Variants in PCDHGB6 observed in about 807,000 individuals in gnomAD.
The protein encoded by PCDHGB6 is protocadherin gamma subfamily B, 6.
Under a neutral mutation model 59.1 loss-of-function variants are expected in PCDHGB6, and 51 were observed. The ratio of observed to expected loss-of-function variants is 0.86; its 90% CI spans 0.69 to 1.09. PCDHGB6 has a LOEUF of 1.09. Among genes scored for constraint, PCDHGB6 ranks in the 50% least tolerant of loss-of-function variants. The pLI, the probability that PCDHGB6 is intolerant of heterozygous loss-of-function variation, is 0.00. For synonymous variants in PCDHGB6, 466 were observed against 495.1 expected (o/e 0.94, Z 0.78); for missense variants, 1,148 against 1,205.1 (o/e 0.95, Z 0.70).
intron 1 of PCDHGB6, chr5:141,440,464 G>C (rs2003094): frequency 1.3e-5 from 2 of 152,150 alleles, no homozygotes; most frequent in Admixed American, 6.5e-5. Context: ...ATGAACAAAC[G>C]GTAGTTGAAA....
intron 1 of PCDHGB6, among the ~76,000 whole-genome samples, chr5:141,446,610 G>A (rs1167777615): frequency 6.6e-6 from 1 of 152,098 alleles, no homozygotes; most frequent in Non-Finnish European, 1.5e-5. Flanking sequence ...CTGAGTAGCT[G>A]GGACTACAGG....
chr5:141,498,880 C>G (rs1334510457), intron 2 of PCDHGB6, among the ~76,000 whole-genome samples: 1 of 150,028 alleles, frequency 6.7e-6, no homozygotes, highest in African/African-American at 2.4e-5. Flanking sequence ...TTGCAGTGAG[C>G]TGAGATCACA....
At chr5:141,458,988 C>T (rs996478276) in intron 1 of PCDHGB6, among the ~76,000 whole-genome samples, 1 of 152,208 alleles carries the variant, frequency 6.6e-6, no homozygotes, top group South Asian at 2.1e-4. Context: ...CTGCCTCACC[C>T]TCCCAAAGTG....
chr5:141,422,344 C>G, intron 1 of PCDHGB6: 1 of 1,550,890 alleles, frequency 6.4e-7, no homozygotes, highest in Non-Finnish European at 8.7e-7. Flanking sequence ...TCTAAATGTG[C>G]AAGATCAAGA....
intron 1 of PCDHGB6, among the ~76,000 whole-genome samples, chr5:141,449,549 A>G (rs1431239786): frequency 6.8e-6 from 1 of 147,830 alleles, no homozygotes; most frequent in East Asian, 2.0e-4. Context: ...AGATCGCACC[A>G]CTGCACTCCA....
In PCDHGB6 at chr5:141,449,878, A is replaced by G. The variant is rs536474516; in HGVS notation, c.2418+39258A>G. On this transcript the variant is annotated intron_variant, in intron 1 of 3. Transcript: ENST00000520790. ...ATAAAAATCAGAAAATTTAACATCA[A>G]TGCAATATAATTATTTAGCCTATAG... 6.6e-4 allele frequency among the ~76,000 whole-genome samples: 100 copies of G among 152,050 alleles called. 1 individual carries two copies. The highest frequency in any genetic ancestry group is 2.4e-3 in the African/African-American group (99 of 41,574).
In PCDHGB6 at chr5:141,477,446, C is replaced by A; in HGVS notation, c.2419-17361C>A. 1 of 1,614,196 alleles carries A rather than the reference C, an allele frequency of 6.2e-7. No homozygotes were observed. The highest frequency in any genetic ancestry group is 8.5e-7 in the Non-Finnish European group (1 of 1,180,022). The stretch of plus-strand genomic sequence containing the variant: ...TTCCCTCTCAGCCCTTACAATAGTG[C>A]GTGTTCAAGTGTCCGACATCAATGA... On this transcript the variant is annotated intron_variant, in intron 1 of 3. Transcript: ENST00000520790. The surrounding 1 kb of genome is among the most constrained non-coding windows in gnomAD (Gnocchi z 4.9).
intron 1 of PCDHGB6, chr5:141,411,189 T>G (rs1222862554): frequency 6.6e-6 from 1 of 152,208 alleles, no homozygotes; most frequent in Non-Finnish European, 1.5e-5. Context: ...TCTTGGCATC[T>G]AAGAAAACAA....
At chr5:141,428,493 T>G in intron 1 of PCDHGB6, 1 of 307,146 alleles carries the variant, frequency 3.3e-6, no homozygotes, top group Non-Finnish European at 6.3e-6. Context: ...GCAATCTGTA[T>G]GTTCCCTCGG....
chr5:141,426,805 A>G (rs1222690899), intron 1 of PCDHGB6: 2 of 456,720 alleles, frequency 4.4e-6, no homozygotes, highest in African/African-American at 2.0e-5. Flanking sequence ...CTCAGTTCTA[A>G]TGAACATTTC....
intron 1 of PCDHGB6, chr5:141,414,780 G>A (rs2095787223): frequency 1.2e-6 from 2 of 1,614,232 alleles, no homozygotes; most frequent in Non-Finnish European, 1.7e-6. Context: ...TACAGATGCA[G>A]GTGACAGCCA....
At chr5:141,466,754 C>T (rs1045917268) in intron 1 of PCDHGB6, among the ~76,000 whole-genome samples, 1 of 152,138 alleles carries the variant, frequency 6.6e-6, no homozygotes, top group African/African-American at 2.4e-5. Context: ...GATAGGGGCT[C>T]TTTTCAAACT....
Position 141,491,880 on chromosome 5 carries a change from G to C in PCDHGB6, c.2419-2927G>C. ...GCGAAACCAGAGTGGCCGATTAAGG[G>C]ATGGGGCTCCGAGCACCGGGGGTGG... On this transcript the variant is annotated intron_variant, in intron 1 of 3. Transcript: ENST00000520790. This position sits in a 1 kb window ranked among gnomAD's most constrained non-coding sequence, Gnocchi z 6.9. 1 of 1,449,834 alleles carries C rather than the reference G, an allele frequency of 6.9e-7. No individual in the cohort carries two copies. 89.8% of individuals were successfully genotyped at this position (1,449,834 alleles called of 1,614,324 possible).
At chr5:141,410,715 GTT>G (rs2154543204) in intron 1 of PCDHGB6, 95 bp downstream of exon 1, 19 of 1,422,782 alleles carry the variant, frequency 1.3e-5, no homozygotes, top group Non-Finnish European at 1.8e-5. Context: ...AGAATCATAT[GTT>G]TAAAATCCAT....
chr5:141,486,506 A>C lies in PCDHGB6; in HGVS notation c.2419-8301A>C. The C allele has an allele frequency of 6.2e-7, 1 of 1,614,134 alleles. No individual in the cohort carries two copies. The highest frequency in any genetic ancestry group is 8.5e-7 in the Non-Finnish European group (1 of 1,180,006). Reference sequence around the variant, plus strand: ...TACCCACAGAACTATTTTCCTCAATATTTCAGATGTGAATGATAATCCACC... The same window carrying C: ...TACCCACAGAACTATTTTCCTCAATCTTTCAGATGTGAATGATAATCCACC... On this transcript the variant is annotated intron_variant, in intron 1 of 3. Transcript: ENST00000520790. The surrounding 1 kb of genome is among the most constrained non-coding windows in gnomAD (Gnocchi z 5.0).
chr5:141,422,175 T>G (rs2096631593), intron 1 of PCDHGB6: 1 of 1,564,276 alleles, frequency 6.4e-7, no homozygotes, highest in Non-Finnish European at 8.6e-7. Context: ...ATAGATTCTA[T>G]GAGATGGAAA....
At chr5:141,433,111 C>T (rs2097569323) in intron 1 of PCDHGB6, 1 of 1,613,966 alleles carries the variant, frequency 6.2e-7, no homozygotes, top group African/African-American at 1.3e-5. Context: ...GCCAGGAGAG[C>T]TTTGAAAAAA....
intron 2 of PCDHGB6, among the ~76,000 whole-genome samples, chr5:141,502,654 C>T (rs1424933188): frequency 6.6e-6 from 1 of 152,230 alleles, no homozygotes; most frequent in South Asian, 2.1e-4. Context: ...TAGGCAGCAA[C>T]CCTTCATGCA....
At chr5:141,505,352 C>CG in intron 2 of PCDHGB6, 41 bp from the exon 3 acceptor site, 1 of 1,613,302 alleles carries the variant, frequency 6.2e-7, no homozygotes, top group East Asian at 2.2e-5. Context: ...TGAGCTGTGC[C>CG]GGCCTGGGAG....
Sources: gnomAD v4.1 joint callset for allele counts (sites outside exome capture counted in the v4.1 genomes callset) on GRCh38, gnomAD v4.1.1 for gene constraint, Gnocchi (gnomAD v3.1) non-coding constraint, MANE v1.5 for transcripts, NCBI Gene and HGNC (gene_info 2026-07-23, HGNC 2026-07-21) for gene names.